The following TET2 variants were observed in gnomAD, a reference collection of about 807,000 sequenced individuals.
The protein encoded by TET2 is methylcytosine dioxygenase TET2.
TET2 carries 299 observed loss-of-function variants against 142.9 expected under a neutral mutation model. The ratio of observed to expected loss-of-function variants is 2.09; its 90% CI spans 1.90 to 2.30. The LOEUF (loss-of-function observed/expected upper bound fraction) is 2.30. Ranked by LOEUF, TET2 falls within the 30% of genes most tolerant of loss-of-function variation. The pLI is 0.00. For missense variants in TET2, 2,418 were observed against 2,378.0 expected, an observed-to-expected ratio of 1.02 and a Z score of -0.35; for synonymous variants, 819 against 849.0, an observed-to-expected ratio of 0.96 and a Z score of 0.61.
chr4:105,205,508 C>T (rs535424140), intron 2 of TET2, among the ~76,000 whole-genome samples: 1 of 109,486 alleles, frequency 9.1e-6, no homozygotes, highest in African/African-American at 5.1e-5. Context: ...TAGTTGAAGT[C>T]CCCCCCAACC....
chr4:105,184,722 T>G (rs1163273731), intron 1 of TET2, among the ~76,000 whole-genome samples: 4 of 98,262 alleles, frequency 4.1e-5, no homozygotes, highest in African/African-American at 1.1e-4. Context: ...TGCAGAGAGG[T>G]GTGTGTGTGT....
At chr4:105,217,383 G>A (rs1419281263) in intron 2 of TET2, among the ~76,000 whole-genome samples, 1 of 152,170 alleles carries the variant, frequency 6.6e-6, no homozygotes, top group African/African-American at 2.4e-5. Context: ...CTACATCTGA[G>A]TGGTTTTATG....
intron 3 of TET2, chr4:105,240,965 A>G: frequency 9.2e-7 from 1 of 1,083,894 alleles, no homozygotes; most frequent in African/African-American, 1.6e-5. Context: ...AGTAATAGGT[A>G]GGCTTCCAGT....
chr4:105,178,596 T>A (rs1432219763), intron 1 of TET2, among the ~76,000 whole-genome samples: 1 of 152,158 alleles, frequency 6.6e-6, no homozygotes, highest in African/African-American at 2.4e-5. Context: ...TCAATGTAGG[T>A]TTATCAGTTG....
rs553857870 is a variant in TET2, at chr4:105,159,936, G to A, written c.-193+12957G>A. On this transcript the variant is annotated intron_variant, in intron 1 of 10. Coordinates refer to ENST00000380013, the MANE Select transcript of TET2 (RefSeq NM_001127208.3). ...GGAGAATCGCTTGACCCCGGGAGGC[G>A]GAGGTTGCAGTGAGCCGAGATCGCG... Among the ~76,000 whole-genome samples the A allele has an allele frequency of 3.9e-4, 60 of 152,026 alleles. 1 individual carries two copies. Among genetic ancestry groups the A allele is most frequent in the Non-Finnish European group, 8.8e-5 (6 of 68,002 alleles).
upstream of TET2, chr4:105,146,774 C>G (rs1723038550): frequency 6.6e-6 from 1 of 152,122 alleles, no homozygotes; most frequent in Admixed American, 6.5e-5. Context: ...AAGTCACGTC[C>G]GCCCCCTCGG....
intron 2 of TET2, 176 bp downstream of exon 2, chr4:105,190,681 A>G (rs1170529847): frequency 1.6e-5 from 9 of 556,058 alleles, no homozygotes; most frequent in Non-Finnish European, 1.9e-5. Flanking sequence ...TGAATTTACT[A>G]AAGTTGTGTA....
chr4:105,202,485 GTA>G (rs1478989691), intron 2 of TET2: 12 of 152,108 alleles, frequency 7.9e-5, no homozygotes, highest in African/African-American at 2.7e-4. Context: ...TAAAAAATCT[GTA>G]ATTCGCAAAT....
Position 105,236,007 on chromosome 4 carries a change from T to G in TET2, c.2065T>G (p.Ser689Ala), listed in dbSNP as rs182380481. The change falls in exon 3 of 11, where the codon TCC becomes GCC. Residue 689 changes from serine to alanine, a missense_variant. By Grantham distance (99) the Ser-to-Ala change is moderately conservative (BLOSUM62 1). Transcript: ENST00000380013. ...TRFHFQQRAD[S>A]QTEKLMSPVL... ...ATTTCATTTTCAACAAAGAGCAGAT[T>G]CCCAAACTGAAAAACTTATGTCCCC... 7.4e-5 allele frequency: 120 copies of G among 1,614,110 alleles called. No individual in the cohort carries two copies. The highest frequency in any genetic ancestry group is 8.7e-5 in the Non-Finnish European group (103 of 1,180,010).
intron 2 of TET2, among the ~76,000 whole-genome samples, chr4:105,215,071 A>C (rs1727415699): frequency 6.6e-6 from 1 of 152,106 alleles, no homozygotes; most frequent in Admixed American, 6.6e-5. Flanking sequence ...GAGGACACCC[A>C]GCTAGTGTCT....
Position 105,272,888 on chromosome 4 carries a change from GA to G in TET2, c.4511del (p.Asn1504ThrfsTer67). The stretch of plus-strand genomic sequence containing the variant: ...AGCCCCATCACGTACAAAACAAACT[GA>G]AAACGCAAGCCAGGCTAAACAGTTG... The part of the protein sequence containing the change: ...KSAPSRTKQT[E>X]NASQAKQLAE... On this transcript the variant is annotated frameshift_variant, in exon 10 of 11. Transcript: ENST00000380013. LOFTEE classifies it low-confidence loss of function (END_TRUNC). The G allele has an allele frequency of 1.3e-6, 2 of 1,543,456 alleles. No homozygotes were observed. Among genetic ancestry groups the G allele is most frequent in the Non-Finnish European group, 8.7e-7 (1 of 1,144,336 alleles).
intron 2 of TET2, among the ~76,000 whole-genome samples, chr4:105,198,112 G>A (rs2110502443): frequency 6.6e-6 from 1 of 152,224 alleles, no homozygotes; most frequent in Admixed American, 6.5e-5. Context: ...CGAGGCGGGT[G>A]GATCACCTGA....
chr4:105,187,309 G>A (rs954702482), intron 1 of TET2, among the ~76,000 whole-genome samples: 7 of 152,164 alleles, frequency 4.6e-5, no homozygotes, highest in African/African-American at 1.2e-4. Flanking sequence ...GCCTTCCTCA[G>A]TATTTGGTTT....
At chr4:105,194,748 GT>G (rs546942148) in intron 2 of TET2, among the ~76,000 whole-genome samples, 8 of 152,078 alleles carry the variant, frequency 5.3e-5, no homozygotes, top group Non-Finnish European at 1.0e-4. Flanking sequence ...CTTATCAGTT[GT>G]TTTTTATTCT....
Position 105,237,173 on chromosome 4 carries a change from C to G in TET2, c.3231C>G (p.His1077Gln). 1 of 1,614,160 alleles carries G rather than the reference C, an allele frequency of 6.2e-7. No individual in the cohort carries two copies. Among genetic ancestry groups the G allele is most frequent in the Non-Finnish European group, 8.5e-7 (1 of 1,180,028 alleles). ...CCACTGCTGCAGAACTTGATAGCCA[C>G]ACCCCAGCTTTAGAGCAGCAAACAA... ...RQTTAAELDSHTPALEQQTTS... is the reference protein window; with the variant it reads ...RQTTAAELDSQTPALEQQTTS... The change falls in exon 3 of 11, where the codon CAC (histidine) becomes CAG (glutamine). Residue 1077 changes from histidine (H) to glutamine (Q), a missense_variant. His to Gln is a conservative substitution (Grantham distance 24, BLOSUM62 0). Coordinates refer to ENST00000380013, the MANE Select transcript of TET2 (RefSeq NM_001127208.3).
chr4:105,169,088 G>A (rs1258155802), intron 1 of TET2, among the ~76,000 whole-genome samples: 1 of 152,052 alleles, frequency 6.6e-6, no homozygotes, highest in African/African-American at 2.4e-5. Context: ...TTTTTCCTCT[G>A]GGTAGATACC....
At position 105,242,822 on chromosome 4, in the gene TET2, G is replaced by A; in HGVS notation, c.3501-12G>A. 6.5e-7 allele frequency: 1 copy of A among 1,547,550 alleles called. No homozygotes were observed. The highest frequency in any genetic ancestry group is 2.0e-5 in the Admixed American group (1 of 49,814). On this transcript the variant is annotated splice_polypyrimidine_tract_variant and intron_variant, in intron 4 of 10. Transcript: ENST00000380013. ...AATTGTATGTGTGTGTGTTTCTGTG[G>A]GTTTCTTTAAGGTTTGGACAGAAGG...
rs1467403738 is a variant in TET2, at chr4:105,239,345, T to C, written c.3409+1994T>C. On this transcript the variant is annotated intron_variant, in intron 3 of 10. Transcript: ENST00000380013. ...AGGCATTGACTTCTATCTATGAAAG[T>C]CTTAGATGGCACCTTGTTTCAATAG... is the stretch of plus-strand genomic sequence containing the variant. 4.2e-5 allele frequency: 10 copies of C among 240,244 alleles called. No homozygotes were observed. The Admixed American group carries it at 5.7e-4, about 14-fold the overall frequency. 14.9% of individuals were successfully genotyped at this position (240,244 alleles called of 1,614,324 possible). A position where few individuals can be genotyped will look rare whatever the true frequency, so the allele number is the denominator to read the frequency against.
chr4:105,220,527 C>T (rs1727751346), intron 2 of TET2, among the ~76,000 whole-genome samples: 1 of 152,132 alleles, frequency 6.6e-6, no homozygotes, highest in African/African-American at 2.4e-5. Context: ...GAGCCTCACT[C>T]CTGATACCTC....
Sources: allele counts gnomAD v4.1 joint callset (sites outside exome capture counted in the v4.1 genomes callset), GRCh38; gene constraint gnomAD v4.1.1; transcripts MANE v1.5; gene names NCBI Gene and HGNC (gene_info 2026-07-23, HGNC 2026-07-21).